The following SOHLH1 variants were observed in gnomAD, a reference collection of about 807,000 sequenced individuals.
SOHLH1 encodes spermatogenesis and oogenesis specific basic helix-loop-helix 1.
In SOHLH1, 23 loss-of-function variants were observed where a neutral mutation model predicts 36.2. The ratio of observed to expected loss-of-function variants is 0.64; its 90% CI spans 0.46 to 0.90. The LOEUF (loss-of-function observed/expected upper bound fraction) is 0.90, where lower values mean the gene tolerates loss of function less well. SOHLH1 is among the 40% of genes least tolerant of loss of function. The pLI, the probability that SOHLH1 is intolerant of heterozygous loss-of-function variation, is 0.00. For missense variants in SOHLH1, 608 were observed against 517.0 expected (o/e 1.18, Z -1.71); for synonymous variants, 289 against 228.3 (o/e 1.27, Z -2.40).
chr9:135,698,954 C>T (rs891110103), intron 2 of SOHLH1, 41 bp downstream of exon 2: 1 of 1,610,802 alleles, frequency 6.2e-7, no homozygotes, highest in Non-Finnish European at 8.5e-7. Context: ...CCGCTCCACC[C>T]CTTTACAGCG....
At chr9:135,699,278 C>T (rs1020364245) in intron 1 of SOHLH1, 125 bp downstream of exon 1, 3 of 1,496,470 alleles carry the variant, frequency 2.0e-6, no homozygotes, top group African/African-American at 2.8e-5. Context: ...ACCCCTTCCC[C>T]TCTCCCAGGG....
chr9:135,694,952 GAA>G (rs1194794523), intron 6 of SOHLH1, 96 bp downstream of exon 6: 4 of 1,333,290 alleles, frequency 3.0e-6, no homozygotes, highest in Non-Finnish European at 4.1e-6. Flanking sequence ...CAGATGCCGA[GAA>G]AGTGGGCCCA....
chr9:135,701,193 G>T (rs957801943), upstream of SOHLH1, among the ~76,000 whole-genome samples: 1 of 152,190 alleles, frequency 6.6e-6, no homozygotes, highest in African/African-American at 2.4e-5. Flanking sequence ...CTCTGCTGGG[G>T]ACTTAGCATC....
chr9:135,699,700 C>T (rs1006920118), upstream of SOHLH1, among the ~76,000 whole-genome samples: 3 of 152,146 alleles, frequency 2.0e-5, no homozygotes, highest in Non-Finnish European at 2.9e-5. Flanking sequence ...GGGGGGTCCA[C>T]CCACTCTATG....
chr9:135,702,071 C>T (rs1835051703), upstream of SOHLH1: 1 of 547,758 alleles, frequency 1.8e-6, no homozygotes, highest in Admixed American at 3.9e-5. Context: ...GGGCCAGAGC[C>T]GCCGCGGGTC....
At position 135,693,912 on chromosome 9, in the gene SOHLH1, G is replaced by A. The variant is rs551342455; in HGVS notation, c.947-98C>T. On this transcript the variant is annotated intron_variant, in intron 7 of 7. Transcript: ENST00000425225. ...AGGAACAGAGCTCCCACCTCAGTCC[G>A]TCTGCCCTGCCCTGTCCCCGCTGCA... 1.5e-4 allele frequency: 221 copies of A among 1,474,524 alleles called. 2 individuals carry two copies. Among genetic ancestry groups the A allele is most frequent in the Admixed American group, 3.7e-4 (17 of 46,084 alleles). 91.3% of individuals were successfully genotyped at this position (1,474,524 alleles called of 1,614,324 possible).
At chr9:135,696,852 C>T (rs1834824740) in intron 4 of SOHLH1, 47 bp from the exon 5 acceptor site, 14 of 1,599,302 alleles carry the variant, frequency 8.8e-6, no homozygotes, top group Non-Finnish European at 1.2e-5. Context: ...TCCCCAGCCC[C>T]CTGGAAGGCT....
intron 7 of SOHLH1, 54 bp from the exon 8 acceptor site, chr9:135,693,868 G>C (rs1031067260): frequency 4.6e-5 from 70 of 1,518,660 alleles, no homozygotes; most frequent in Non-Finnish European, 5.6e-5. Flanking sequence ...GGGAGCTTGA[G>C]GCAGACAGGT....
chr9:135,693,534 G>A lies in SOHLH1; in HGVS notation c.*63C>T, dbSNP rs746230359. 4.3e-5 allele frequency: 65 copies of A among 1,503,682 alleles called. No individual in the cohort carries two copies. Among genetic ancestry groups the A allele is most frequent in the Middle Eastern group, 2.4e-4 (1 of 4,176 alleles). The allele number at this position is 1,503,682 out of a possible 1,614,324, so 93.1% of individuals were successfully genotyped here. On this transcript the variant is annotated 3_prime_UTR_variant, in exon 8 of 8. Coordinates refer to ENST00000425225, the MANE Select transcript of SOHLH1 (RefSeq NM_001101677.2). ...CCCAAAATAAAATGCCCAAGCACGC[G>A]ACAGGGACACACACGGCTCCAGATC...
intron 2 of SOHLH1, 107 bp downstream of exon 2, chr9:135,698,888 C>A: frequency 6.6e-7 from 1 of 1,525,500 alleles, no homozygotes; most frequent in South Asian, 1.1e-5. Flanking sequence ...TGGGCACAGG[C>A]CACGAGCCCC....
upstream of SOHLH1, among the ~76,000 whole-genome samples, chr9:135,700,091 C>T (rs1437834871): frequency 6.6e-6 from 1 of 152,190 alleles, no homozygotes; most frequent in African/African-American, 2.4e-5. Context: ...CACCATCGTC[C>T]GTGCTCTTCC....
chr9:135,694,662 G>A (rs965524740), intron 6 of SOHLH1, among the ~76,000 whole-genome samples: 3 of 152,078 alleles, frequency 2.0e-5, no homozygotes, highest in East Asian at 1.9e-4. Flanking sequence ...CGCGGGTCCC[G>A]ATCCGTCCTG....
At position 135,697,498 on chromosome 9, in the gene SOHLH1, A is replaced by G. The variant is rs1834850790; in HGVS notation, c.467+8T>C. 1.2e-6 allele frequency: 2 copies of G among 1,608,600 alleles called. No homozygotes were observed. The highest frequency in any genetic ancestry group is 1.7e-6 in the Non-Finnish European group (2 of 1,178,806). ...AGCCCTGGAGAGCGGGCCCCAGGAG[A>G]CACTAACCGAGTCCCGCTGGACGCT... On this transcript the variant is annotated splice_region_variant and intron_variant, in intron 4 of 7. Coordinates refer to ENST00000425225, the MANE Select transcript of SOHLH1 (RefSeq NM_001101677.2).
chr9:135,694,310 G>C (rs1834703875), intron 7 of SOHLH1, 77 bp downstream of exon 7: 4 of 1,608,098 alleles, frequency 2.5e-6, no homozygotes, highest in Non-Finnish European at 3.4e-6. Flanking sequence ...ACACACGCTA[G>C]GCCTGAGTCC....
intron 5 of SOHLH1, 144 bp downstream of exon 5, chr9:135,696,468 A>T: frequency 1.1e-6 from 1 of 937,094 alleles, no homozygotes; most frequent in Non-Finnish European, 1.6e-6. Context: ...CTCATCCCTC[A>T]ACACGTGGGT....
Position 135,699,439 on chromosome 9 carries a change from G to GGGTAGGGCTCGGAGCACCGGGACGCCA in SOHLH1, c.2_28dup (p.Tyr9_Pro10insLeuAlaSerArgCysSerGluProTyr). On this transcript the variant is annotated inframe_insertion, in exon 1 of 8. Coordinates refer to ENST00000425225, the MANE Select transcript of SOHLH1 (RefSeq NM_001101677.2). The stretch of plus-strand genomic sequence containing the variant: ...GACGGTAGGGATTCTGGAGACCTCC[G>GGGTAGGGCTCGGAGCACCGGGACGCCA]GGTAGGGCTCGGAGCACCGGGACGC... 1 of 1,612,256 alleles carries GGGTAGGGCTCGGAGCACCGGGACGCCA rather than the reference G, an allele frequency of 6.2e-7. No individual in the cohort carries two copies.
chr9:135,700,163 G>T (rs1215816075), upstream of SOHLH1, among the ~76,000 whole-genome samples: 2 of 152,168 alleles, frequency 1.3e-5, no homozygotes, highest in African/African-American at 2.4e-5. Flanking sequence ...CCCTGCCCAA[G>T]CACCATCCCC....
chr9:135,697,721 G>A, intron 3 of SOHLH1, 94 bp from the exon 4 acceptor site: 5 of 1,480,114 alleles, frequency 3.4e-6, no homozygotes, highest in East Asian at 2.5e-5. Context: ...GGGCCTGGAG[G>A]GTCACTGTGA....
chr9:135,699,331 G>A (rs1834943630), intron 1 of SOHLH1, 72 bp downstream of exon 1: 4 of 1,537,388 alleles, frequency 2.6e-6, no homozygotes, highest in Non-Finnish European at 3.5e-6. Context: ...GTGGAGCCCA[G>A]CAACTTGCGG....
Sources: gnomAD v4.1 joint callset for allele counts (sites outside exome capture counted in the v4.1 genomes callset) on GRCh38, gnomAD v4.1.1 for gene constraint, MANE v1.5 for transcripts, NCBI Gene and HGNC (gene_info 2026-07-23, HGNC 2026-07-21) for gene names.